VRK2: variants seen among roughly 807,000 people sequenced by gnomAD.
The protein encoded by VRK2 is VRK serine/threonine kinase 2.
Under a neutral mutation model 57.6 loss-of-function variants are expected in VRK2, and 60 were observed. The observed-to-expected ratio is 1.04, with a 90% CI of 0.85 to 1.29. The LOEUF (loss-of-function observed/expected upper bound fraction) is 1.29, where lower values mean the gene tolerates loss of function less well. Among genes scored for constraint, VRK2 ranks in the 50% most tolerant of loss-of-function variants. The probability of loss-of-function intolerance (pLI) is 0.00; values close to 1 mark genes in which losing one functional copy is unlikely to be tolerated. For synonymous variants in VRK2, 231 were observed against 199.2 expected, an observed-to-expected ratio of 1.16 and a Z score of -1.35; for missense variants, 705 against 588.1, an observed-to-expected ratio of 1.20 and a Z score of -2.06.
intron 1 of VRK2, among the ~76,000 whole-genome samples, chr2:57,937,431 C>G (rs1670949919): frequency 6.6e-6 from 1 of 152,146 alleles, no homozygotes; most frequent in African/African-American, 2.4e-5. Context: ...ACTAAGGACA[C>G]AAATCACAGC....
intron 4 of VRK2, 21 bp from the exon 5 acceptor site, chr2:58,086,318 A>G (rs1671616437): frequency 1.3e-6 from 2 of 1,575,262 alleles, no homozygotes; most frequent in Non-Finnish European, 1.7e-6. Context: ...AATCTTTTTA[A>G]AAATAAATTT....
chr2:58,075,602 T>A (rs1163982954), intron 2 of VRK2, among the ~76,000 whole-genome samples: 1 of 152,118 alleles, frequency 6.6e-6, no homozygotes, highest in Non-Finnish European at 1.5e-5. Flanking sequence ...GATGGTATCT[T>A]GTGTTTTTGA....
intron 11 of VRK2, 151 bp downstream of exon 11, chr2:58,139,983 G>C (rs1681083446): frequency 2.6e-6 from 2 of 772,360 alleles, no homozygotes; most frequent in South Asian, 4.7e-5. Context: ...AAGAAAGTTT[G>C]TTCCAAGTTC....
At chr2:57,978,297 C>T (rs570401127) in intron 1 of VRK2, among the ~76,000 whole-genome samples, 1 of 151,028 alleles carries the variant, frequency 6.6e-6, no homozygotes, top group East Asian at 1.9e-4. Flanking sequence ...TGGACATAGT[C>T]AGAAACAATT....
At chr2:58,144,291 T>C (rs1478557464) in intron 11 of VRK2, among the ~76,000 whole-genome samples, 1 of 151,970 alleles carries the variant, frequency 6.6e-6, no homozygotes, top group African/African-American at 2.4e-5. Flanking sequence ...CTTTCAGTTA[T>C]AAGATGAATG....
chr2:57,993,777 T>C (rs1672842781), intron 1 of VRK2, among the ~76,000 whole-genome samples: 1 of 152,220 alleles, frequency 6.6e-6, no homozygotes, highest in Non-Finnish European at 1.5e-5. Flanking sequence ...CTTATGGCAC[T>C]AGCAGCTCTT....
chr2:57,908,332 A>G (rs539893992), intron 1 of VRK2, among the ~76,000 whole-genome samples: 1 of 152,296 alleles, frequency 6.6e-6, no homozygotes, highest in East Asian at 1.9e-4. Context: ...TATTATAATT[A>G]TACATCTGAC....
chr2:58,097,340 G>T (rs956105291), intron 7 of VRK2, among the ~76,000 whole-genome samples: 6 of 150,764 alleles, frequency 4.0e-5, no homozygotes, highest in South Asian at 2.1e-4. Context: ...GCTGTTATTT[G>T]GTATACATTT....
chr2:58,144,407 A>G (rs1480451380), intron 11 of VRK2, among the ~76,000 whole-genome samples: 1 of 152,006 alleles, frequency 6.6e-6, no homozygotes, highest in Non-Finnish European at 1.5e-5. Flanking sequence ...CACACAAAGA[A>G]ATGGTGACTA....
At chr2:57,937,882 A>C (rs1217125807) in intron 1 of VRK2, among the ~76,000 whole-genome samples, 10 of 122,948 alleles carry the variant, frequency 8.1e-5, no homozygotes, top group Non-Finnish European at 1.4e-4. Flanking sequence ...CCTAGGCTGG[A>C]GTGCAATGGC....
chr2:57,931,264 A>C (rs1379598569), intron 1 of VRK2, among the ~76,000 whole-genome samples: 1 of 152,148 alleles, frequency 6.6e-6, no homozygotes, highest in African/African-American at 2.4e-5. Flanking sequence ...AAAAGTGTAC[A>C]AGAGTTCCCT....
intron 1 of VRK2, among the ~76,000 whole-genome samples, chr2:57,946,300 C>G (rs1671258578): frequency 6.6e-6 from 1 of 151,824 alleles, no homozygotes; most frequent in Non-Finnish European, 1.5e-5. Flanking sequence ...CCATGAACAA[C>G]TCAGGACAAC....
At chr2:58,132,550 C>G (rs1161886010) in intron 9 of VRK2, among the ~76,000 whole-genome samples, 1 of 152,160 alleles carries the variant, frequency 6.6e-6, no homozygotes, top group Non-Finnish European at 1.5e-5. Context: ...TTACAATTCT[C>G]TCACTGATCA....
intron 7 of VRK2, among the ~76,000 whole-genome samples, chr2:58,116,629 G>A (rs543525091): frequency 5.9e-5 from 9 of 152,260 alleles, no homozygotes; most frequent in Non-Finnish European, 1.0e-4. Context: ...GTTACCTAAA[G>A]CTCAGCATCC....
intron 1 of VRK2, among the ~76,000 whole-genome samples, chr2:58,014,372 G>C (rs941730206): frequency 6.6e-6 from 1 of 152,154 alleles, no homozygotes; most frequent in Non-Finnish European, 1.5e-5. Context: ...CTTATTATGA[G>C]AGCAGATTCA....
At chr2:57,988,173 TA>T (rs920299971) in intron 1 of VRK2, among the ~76,000 whole-genome samples, 125 of 152,218 alleles carry the variant, frequency 8.2e-4, no homozygotes, top group Admixed American at 2.9e-3. Flanking sequence ...AATTAAAAGT[TA>T]AAAAAAACTC....
intron 3 of VRK2, chr2:58,041,086 T>C: frequency 1.0e-6 from 1 of 984,602 alleles, no homozygotes; most frequent in Non-Finnish European, 1.2e-6. Flanking sequence ...GGAAAAAGGA[T>C]GTAGAGTGTA....
At chr2:58,138,714 C>T (rs1680897029) in intron 10 of VRK2, among the ~76,000 whole-genome samples, 1 of 152,116 alleles carries the variant, frequency 6.6e-6, no homozygotes, top group Non-Finnish European at 1.5e-5. Flanking sequence ...TGGATATAAG[C>T]AACTAAGTGA....
At chr2:58,020,505 A>G (rs545172941) in intron 1 of VRK2, among the ~76,000 whole-genome samples, 2 of 152,372 alleles carry the variant, frequency 1.3e-5, no homozygotes, top group South Asian at 4.1e-4. Context: ...ATGCCCTGCT[A>G]AGATATACTG....
Sources: allele counts gnomAD v4.1 joint callset (sites outside exome capture counted in the v4.1 genomes callset), GRCh38; gene constraint gnomAD v4.1.1; transcripts MANE v1.5; gene names NCBI Gene and HGNC (gene_info 2026-07-23, HGNC 2026-07-21).